ENTREP2: variants seen among roughly 807,000 people sequenced by gnomAD.
The protein encoded by ENTREP2 is endosomal transmembrane epsin interactor 2.
At chr15:29,421,047 CG>C in the ENTREP2 span, among the ~76,000 whole-genome samples, 1 of 152,120 alleles carries the variant, frequency 6.6e-6, no homozygotes, top group South Asian at 2.1e-4. Context: ...AGAGGGAACC[CG>C]GGCTGACAGC....
chr15:29,449,919 T>C, the ENTREP2 span, among the ~76,000 whole-genome samples: 2 of 152,196 alleles, frequency 1.3e-5, no homozygotes, highest in African/African-American at 4.8e-5. Context: ...CCTGTTGTTT[T>C]TTGACTTTTT....
chr15:29,486,974 G>A, the ENTREP2 span, among the ~76,000 whole-genome samples: 1 of 152,136 alleles, frequency 6.6e-6, no homozygotes, highest in African/African-American at 2.4e-5. Flanking sequence ...GTGTTCTATA[G>A]CACTATAGGG....
At chr15:29,397,817 G>C in the ENTREP2 span, among the ~76,000 whole-genome samples, 1 of 152,096 alleles carries the variant, frequency 6.6e-6, no homozygotes, top group Non-Finnish European at 1.5e-5. Context: ...AAAAAAGGGG[G>C]AACTTCCAAA....
the ENTREP2 span, among the ~76,000 whole-genome samples, chr15:29,470,062 G>A: frequency 1.3e-5 from 2 of 152,176 alleles, no homozygotes; most frequent in Non-Finnish European, 2.9e-5. Flanking sequence ...CTTGAAAACC[G>A]CAGAATAGAT....
the ENTREP2 span, among the ~76,000 whole-genome samples, chr15:29,160,113 C>T: frequency 2.0e-5 from 3 of 152,248 alleles, no homozygotes; most frequent in Admixed American, 6.5e-5. Flanking sequence ...ACAGCAGCTG[C>T]TGGCCCAGGT....
the ENTREP2 span, among the ~76,000 whole-genome samples, chr15:29,306,664 ATTTTTTTTTTTTTT>A: frequency 0.015 from 1,122 of 77,010 alleles, 13 homozygotes; most frequent in Non-Finnish European, 0.022. Context: ...ATAATTGGTA[ATTTTTTTTTTTTTT>A]TTTTTTTTTT....
chr15:29,338,924 C>T, the ENTREP2 span, among the ~76,000 whole-genome samples: 1 of 152,110 alleles, frequency 6.6e-6, no homozygotes, highest in Admixed American at 6.5e-5. Context: ...AGATTTTCAG[C>T]TGAATGTAGC....
the ENTREP2 span, among the ~76,000 whole-genome samples, chr15:29,193,687 G>A: frequency 6.6e-6 from 1 of 152,192 alleles, no homozygotes; most frequent in Non-Finnish European, 1.5e-5. Context: ...GGCTCTGTCT[G>A]GAGAATGGAA....
the ENTREP2 span, among the ~76,000 whole-genome samples, chr15:29,167,357 G>C: frequency 9.3e-4 from 141 of 152,132 alleles, no homozygotes; most frequent in African/African-American, 3.2e-3. Context: ...CATGGCAAAA[G>C]AAACAGTCAG....
the ENTREP2 span, among the ~76,000 whole-genome samples, chr15:29,656,055 G>A: frequency 6.7e-6 from 1 of 149,304 alleles, no homozygotes; most frequent in Admixed American, 6.7e-5. Context: ...AACTATGTAG[G>A]CCACAGGCAT....
the ENTREP2 span, chr15:29,136,242 A>G: frequency 1.9e-6 from 2 of 1,072,340 alleles, no homozygotes; most frequent in Non-Finnish European, 2.5e-6. Flanking sequence ...CAGGGCGCTC[A>G]TGAGTGTTCA....
the ENTREP2 span, among the ~76,000 whole-genome samples, chr15:29,207,003 C>G: frequency 6.6e-6 from 1 of 152,186 alleles, no homozygotes; most frequent in African/African-American, 2.4e-5. Context: ...CATAGACATG[C>G]TCCGTAGGTT....
chr15:29,209,267 C>T, the ENTREP2 span, among the ~76,000 whole-genome samples: 3 of 152,084 alleles, frequency 2.0e-5, no homozygotes, highest in African/African-American at 7.2e-5. Flanking sequence ...TTTGGGAGGC[C>T]AAGGTGGGCA....
the ENTREP2 span, among the ~76,000 whole-genome samples, chr15:29,332,227 C>G: frequency 6.6e-6 from 1 of 151,722 alleles, no homozygotes; most frequent in African/African-American, 2.4e-5. Flanking sequence ...CAGGAAATTA[C>G]AAAAAGAAGG....
At chr15:29,427,215 A>T in the ENTREP2 span, among the ~76,000 whole-genome samples, 1 of 152,178 alleles carries the variant, frequency 6.6e-6, no homozygotes, top group South Asian at 2.1e-4. Flanking sequence ...TTCCAGGCCT[A>T]ATCGTTATCC....
At chr15:29,666,614 C>T in the ENTREP2 span, among the ~76,000 whole-genome samples, 3 of 152,306 alleles carry the variant, frequency 2.0e-5, no homozygotes, top group South Asian at 2.1e-4. Context: ...AAGTCCTCAC[C>T]GTGCCTGCAC....
At chr15:29,440,590 G>A in the ENTREP2 span, among the ~76,000 whole-genome samples, 5 of 152,166 alleles carry the variant, frequency 3.3e-5, no homozygotes, top group African/African-American at 1.2e-4. Context: ...AGTTTCCAAC[G>A]TTAGCTCAGC....
chr15:29,489,671 G>A, the ENTREP2 span, among the ~76,000 whole-genome samples: 1 of 152,284 alleles, frequency 6.6e-6, no homozygotes, highest in African/African-American at 2.4e-5. Flanking sequence ...GATATCCCAT[G>A]CACAACCCCA....
At chr15:29,402,242 T>C in the ENTREP2 span, among the ~76,000 whole-genome samples, 3 of 109,518 alleles carry the variant, frequency 2.7e-5, no homozygotes, top group Non-Finnish European at 6.2e-5. Context: ...TTAAATCATA[T>C]TATAGAAGAA....
Sources: gnomAD v4.1 joint callset for allele counts (sites outside exome capture counted in the v4.1 genomes callset) on GRCh38, gnomAD v4.1.1 for gene constraint, MANE v1.5 for transcripts, NCBI Gene and HGNC (gene_info 2026-07-23, HGNC 2026-07-21) for gene names.